Variants in KHDRBS2 observed in about 807,000 individuals in gnomAD.
The protein encoded by KHDRBS2 is KH domain-containing, RNA-binding, signal transduction-associated protein 2.
In KHDRBS2, 26 loss-of-function variants were observed where a neutral mutation model predicts 44.3. That is an observed-to-expected ratio of 0.59 (90% CI 0.43 to 0.81). The LOEUF (loss-of-function observed/expected upper bound fraction) is 0.81. KHDRBS2 is among the 40% of genes least tolerant of loss of function. The pLI is 0.00. For synonymous variants in KHDRBS2, 194 were observed against 151.1 expected (o/e 1.28, Z -2.08); for missense variants, 476 against 433.1 (o/e 1.10, Z -0.88).
At chr6:61,658,541 C>A in the KHDRBS2 span, among the ~76,000 whole-genome samples, 2 of 151,838 alleles carry the variant, frequency 1.3e-5, no homozygotes, top group Non-Finnish European at 2.9e-5. Context: ...ATATTTTAAT[C>A]CCCTGGTTGT....
intron 1 of KHDRBS2, among the ~76,000 whole-genome samples, chr6:62,212,492 T>C (rs1829232922): frequency 6.6e-6 from 1 of 152,006 alleles, no homozygotes; most frequent in South Asian, 2.1e-4. Context: ...CCTCAGAATA[T>C]GACCTTTTTG....
At chr6:62,107,648 C>T (rs974126454) in intron 2 of KHDRBS2, among the ~76,000 whole-genome samples, 3 of 152,104 alleles carry the variant, frequency 2.0e-5, no homozygotes, top group Admixed American at 2.0e-4. Context: ...CAATCCTAAG[C>T]TAAAAGAACA....
At chr6:61,749,027 T>G (rs1343292139) in intron 6 of KHDRBS2, among the ~76,000 whole-genome samples, 1 of 144,436 alleles carries the variant, frequency 6.9e-6, no homozygotes, top group Non-Finnish European at 1.5e-5. Context: ...TTTTTTTTTT[T>G]TTTGAGACGG....
At chr6:62,263,707 C>T (rs1043016871) in intron 1 of KHDRBS2, among the ~76,000 whole-genome samples, 14 of 151,794 alleles carry the variant, frequency 9.2e-5, no homozygotes, top group African/African-American at 3.4e-4. Flanking sequence ...ATACTAATGT[C>T]TATTTACTAA....
the KHDRBS2 span, among the ~76,000 whole-genome samples, chr6:61,617,166 T>C: frequency 6.6e-6 from 1 of 152,212 alleles, no homozygotes; most frequent in Admixed American, 6.5e-5. Context: ...TTGATATATG[T>C]AATTGTTGGT....
intron 1 of KHDRBS2, among the ~76,000 whole-genome samples, chr6:62,269,928 A>G (rs1839802513): frequency 6.6e-6 from 1 of 152,140 alleles, no homozygotes; most frequent in Admixed American, 6.6e-5. Flanking sequence ...AATAAATGCA[A>G]CAACATGGAT....
At chr6:61,913,686 G>C (rs148436575) in intron 4 of KHDRBS2, among the ~76,000 whole-genome samples, 7 of 152,132 alleles carry the variant, frequency 4.6e-5, no homozygotes, top group South Asian at 2.1e-4. Context: ...AAAAGAAACA[G>C]AGCAACAGGA....
chr6:62,175,305 C>A (rs1380602197), intron 2 of KHDRBS2, among the ~76,000 whole-genome samples: 1 of 151,510 alleles, frequency 6.6e-6, no homozygotes. Flanking sequence ...TAAATTTTCT[C>A]AAGCATGAAT....
At position 61,831,095 on chromosome 6, in the gene KHDRBS2, G is replaced by T. The variant is rs78418103; in HGVS notation, c.810+63540C>A. ...ATGCACTGAACATAATAACAGGTCA[G>T]AAGATCAGTGCTTTTCTTCTTTTTG... On this transcript the variant is annotated intron_variant, in intron 6 of 8. Transcript: ENST00000281156. Among the ~76,000 whole-genome samples, 370 of 152,242 alleles carry T rather than the reference G, an allele frequency of 2.4e-3. 8 individuals carry two copies. Among genetic ancestry groups the T allele is most frequent in the East Asian group, 0.018 (94 of 5,178 alleles).
chr6:61,849,217 C>T (rs1795087918), intron 6 of KHDRBS2, among the ~76,000 whole-genome samples: 1 of 152,024 alleles, frequency 6.6e-6, no homozygotes, highest in Admixed American at 6.6e-5. Context: ...TATAAATAGC[C>T]TAGCTTCTTA....
At chr6:62,032,311 A>T (rs1281800857) in intron 3 of KHDRBS2, among the ~76,000 whole-genome samples, 1 of 152,008 alleles carries the variant, frequency 6.6e-6, no homozygotes, top group Non-Finnish European at 1.5e-5. Flanking sequence ...GCGCAGCTAG[A>T]CTATAAGCAG....
At chr6:61,945,559 C>G (rs533233703) in intron 4 of KHDRBS2, among the ~76,000 whole-genome samples, 28 of 151,982 alleles carry the variant, frequency 1.8e-4, no homozygotes, top group Non-Finnish European at 3.8e-4. Context: ...TTTAATATAA[C>G]ATTTTATTTA....
the KHDRBS2 span, among the ~76,000 whole-genome samples, chr6:61,604,967 G>T: frequency 2.0e-5 from 3 of 152,032 alleles, no homozygotes; most frequent in East Asian, 5.8e-4. Flanking sequence ...CAGGCTCTTG[G>T]CATTCAGTGG....
intron 6 of KHDRBS2, among the ~76,000 whole-genome samples, chr6:61,845,345 T>C (rs1445071631): frequency 6.8e-6 from 1 of 147,940 alleles, no homozygotes; most frequent in African/African-American, 2.5e-5. Flanking sequence ...AGTCTTGCTC[T>C]GTCGCTCAGG....
the KHDRBS2 span, among the ~76,000 whole-genome samples, chr6:61,568,043 A>T: frequency 6.6e-6 from 1 of 152,242 alleles, no homozygotes; most frequent in African/African-American, 2.4e-5. Flanking sequence ...GTCCAATGTC[A>T]TTCTTCTGCA....
chr6:62,194,096 T>A (rs969006702), intron 1 of KHDRBS2, among the ~76,000 whole-genome samples: 12 of 152,200 alleles, frequency 7.9e-5, no homozygotes, highest in African/African-American at 2.4e-4. Flanking sequence ...ATTTATTAAG[T>A]TTTTTTCTTT....
At chr6:61,625,035 T>C in the KHDRBS2 span, among the ~76,000 whole-genome samples, 2 of 152,070 alleles carry the variant, frequency 1.3e-5, no homozygotes, top group African/African-American at 4.8e-5. Context: ...ATCTCCCAAA[T>C]GAGGTGTTTG....
chr6:61,569,210 C>T, the KHDRBS2 span, among the ~76,000 whole-genome samples: 3 of 152,062 alleles, frequency 2.0e-5, no homozygotes, highest in Middle Eastern at 3.2e-3. Flanking sequence ...GAACCACCCT[C>T]CCGTTCCCCA....
chr6:61,638,297 A>G, the KHDRBS2 span, among the ~76,000 whole-genome samples: 71 of 152,166 alleles, frequency 4.7e-4, no homozygotes, highest in Non-Finnish European at 9.1e-4. Context: ...TGGTACTGGT[A>G]CCAAAACAGA....
Sources: gnomAD v4.1 joint callset for allele counts (sites outside exome capture counted in the v4.1 genomes callset) on GRCh38, gnomAD v4.1.1 for gene constraint, MANE v1.5 for transcripts, NCBI Gene and HGNC (gene_info 2026-07-23, HGNC 2026-07-21) for gene names.